KAT5: variants seen among roughly 807,000 people sequenced by gnomAD.
KAT5 encodes the protein lysine acetyltransferase 5, also known as histone acetyltransferase KAT5.
In KAT5, 31 loss-of-function variants were observed where a neutral mutation model predicts 68.1. That is an observed-to-expected ratio of 0.46 (90% CI 0.34 to 0.61). The LOEUF is 0.61. KAT5 is among the 20% of genes least tolerant of loss of function. The pLI is 0.01. For missense variants in KAT5, 451 were observed against 725.5 expected (o/e 0.62, Z 4.35); for synonymous variants, 365 against 292.6 (o/e 1.25, Z -2.52).
Position 65,714,987 on chromosome 11 carries a change from GT to G in KAT5, c.1029+78del, listed in dbSNP as rs1244855828. ...TTCTTGCTCAGGTAAACACTGACCA[GT>G]CAAGCCAGCAGATCAGTCCAGCCCA... On this transcript the variant is annotated intron_variant, in intron 8 of 12. Coordinates refer to ENST00000341318, the MANE Select transcript of KAT5 (RefSeq NM_182710.3). 89 of 1,298,736 alleles carry G rather than the reference GT, an allele frequency of 6.9e-5. 1 individual carries two copies. Among genetic ancestry groups the G allele is most frequent in the Non-Finnish European group, 5.5e-6 (5 of 902,350 alleles). 80.5% of individuals were successfully genotyped at this position (1,298,736 alleles called of 1,614,324 possible).
At chr11:65,717,045 G>A in intron 10 of KAT5, 63 bp downstream of exon 10, 1 of 1,267,798 alleles carries the variant, frequency 7.9e-7, no homozygotes, top group Non-Finnish European at 1.2e-6. Flanking sequence ...CAGGCAGATG[G>A]GCCAGGCTAC....
intron 8 of KAT5, chr11:65,715,150 CAG>C (rs769896995): frequency 5.6e-6 from 3 of 534,416 alleles, no homozygotes; most frequent in Non-Finnish European, 1.0e-5. Flanking sequence ...TGTCATGAAA[CAG>C]AGGGTAGGTT....
chr11:65,713,182 T>G, intron 3 of KAT5, 124 bp downstream of exon 3: 1 of 1,391,130 alleles, frequency 7.2e-7, no homozygotes, highest in Non-Finnish European at 1.0e-6. Flanking sequence ...TTGCAAAGGA[T>G]GGGGGCCAAA....
chr11:65,716,973 A>T lies in KAT5; in HGVS notation c.1255A>T (p.Ile419Phe). The change falls in exon 10 of 13, where the codon ATC becomes TTC. Residue 419 changes from isoleucine (I) to phenylalanine (F), a missense_variant. Coordinates refer to ENST00000341318, the MANE Select transcript of KAT5 (RefSeq NM_182710.3). ...YQRRGYGKLL[I>F]EFSYELSKVE... ...GCGCCGGGGCTACGGCAAGCTGCTGATCGAGTTCAGTGAGTATGTGTGCTG... is the reference window on the plus strand; with the variant it reads ...GCGCCGGGGCTACGGCAAGCTGCTGTTCGAGTTCAGTGAGTATGTGTGCTG... The T allele has an allele frequency of 6.2e-7, 1 of 1,613,682 alleles. No individual in the cohort carries two copies. Among genetic ancestry groups the T allele is most frequent in the Non-Finnish European group, 8.5e-7 (1 of 1,179,536 alleles).
At chr11:65,713,161 C>T in intron 3 of KAT5, 103 bp downstream of exon 3, 1 of 1,467,406 alleles carries the variant, frequency 6.8e-7, no homozygotes. Flanking sequence ...CCCTCTCACC[C>T]TGACTTCATC....
intron 3 of KAT5, 57 bp from the exon 4 acceptor site, chr11:65,713,291 T>TTCCCCG: frequency 6.4e-7 from 1 of 1,566,974 alleles, no homozygotes. Context: ...CCTCTTCCCC[T>TTCCCCG]TCCCCATCCC....
intron 8 of KAT5, chr11:65,716,371 T>C (rs1394680535): frequency 5.2e-6 from 2 of 384,322 alleles, no homozygotes; most frequent in South Asian, 4.3e-5. Context: ...AAGGCAGTGG[T>C]CTCTCCTGGT....
chr11:65,713,927 G>A, intron 6 of KAT5, 79 bp downstream of exon 6: 1 of 1,310,116 alleles, frequency 7.6e-7, no homozygotes, highest in Non-Finnish European at 1.1e-6. Flanking sequence ...TTAGTGATGA[G>A]TTTAAAAATA....
chr11:65,712,305 G>T lies in KAT5; in HGVS notation c.38G>T (p.Arg13Leu). ...GTGAGTCCGGTGCCCGGGGCGGGGCGGAGGGAGCCAGGGGAGGTGGGTAGA... is the reference window on the plus strand; with the variant it reads ...GTGAGTCCGGTGCCCGGGGCGGGGCTGAGGGAGCCAGGGGAGGTGGGTAGA... ...EVVSPVPGAG[R>L]REPGEVGRAR... is the part of the protein sequence containing the mutation. Residue 13 changes from arginine (R) to leucine (L), a missense_variant, in exon 1 of 13, where the codon CGG (arginine) becomes CTG (leucine). Physicochemically the swap from Arg to Leu is moderately radical, Grantham distance 102. This residue lies in a region of KAT5 where 104 missense variants were observed against 107.3 expected (regional missense o/e 0.97). Coordinates refer to ENST00000341318, the MANE Select transcript of KAT5 (RefSeq NM_182710.3). The T allele has an allele frequency of 6.8e-7, 1 of 1,464,904 alleles. No homozygotes were observed. Among genetic ancestry groups the T allele is most frequent in the Non-Finnish European group, 9.0e-7 (1 of 1,111,850 alleles). 90.7% of individuals were successfully genotyped at this position (1,464,904 alleles called of 1,614,324 possible).
chr11:65,717,186 CA>C, intron 10 of KAT5: 1 of 598,164 alleles, frequency 1.7e-6, no homozygotes, highest in South Asian at 2.0e-5. Flanking sequence ...CTCAGCCCCC[CA>C]GTTTGCTCCT....
intron 6 of KAT5, chr11:65,714,107 T>A (rs939178973): frequency 1.9e-6 from 1 of 538,290 alleles, no homozygotes. Context: ...GAGACCAGCC[T>A]GGCCAACATG....
Position 65,713,834 on chromosome 11 carries a change from T to C in KAT5, c.676T>C (p.Leu226=), listed in dbSNP as rs935970611. The part of the protein sequence containing the change: ...QPGRKRKSNC[L]GTDEDSQDSS... The stretch of plus-strand genomic sequence containing the variant: ...AGGACGGAAGCGAAAATCGAATTGT[T>C]TGGGCACTGATGAGGTGGGTCTGGG... Residue 226 remains leucine (L), a synonymous_variant, in exon 6 of 13, where the codon TTG becomes CTG. Transcript: ENST00000341318. 8 of 1,585,210 alleles carry C rather than the reference T, an allele frequency of 5.0e-6. No homozygotes were observed. Among genetic ancestry groups the C allele is most frequent in the Non-Finnish European group, 6.9e-6 (8 of 1,165,408 alleles).
intron 8 of KAT5, 135 bp downstream of exon 8, chr11:65,715,045 C>G: frequency 1.3e-6 from 1 of 746,190 alleles, no homozygotes; most frequent in South Asian, 1.6e-5. Flanking sequence ...CTGGCAGGTG[C>G]TGGTAGCCAG....
rs555699888 is a variant in KAT5, at chr11:65,719,104, C to A, written c.1564C>A (p.Leu522Ile). The change falls in exon 13 of 13, where the codon CTC becomes ATC. Residue 522 changes from leucine to isoleucine, a missense_variant. Physicochemically the swap from Leu to Ile is conservative, Grantham distance 5 (BLOSUM62 2). This residue lies in a region of KAT5 where 210 missense variants were observed against 423.7 expected (regional missense o/e 0.50). Coordinates refer to ENST00000341318, the MANE Select transcript of KAT5 (RefSeq NM_182710.3). Reference sequence around the variant, plus strand: ...CGTGGATGGCCATGAGCGGGCCATGCTCAAGCGGCTCCTGCGGATCGACTC... The same window carrying A: ...CGTGGATGGCCATGAGCGGGCCATGATCAAGCGGCTCCTGCGGATCGACTC... Reference protein sequence around the residue: ...DIVDGHERAMLKRLLRIDSKC... With the variant: ...DIVDGHERAMIKRLLRIDSKC... The A allele has an allele frequency of 8.7e-6, 14 of 1,614,218 alleles. No homozygotes were observed. The East Asian group carries it at 2.7e-4, about 31-fold the overall frequency.
intron 10 of KAT5, chr11:65,717,448 G>T: frequency 4.7e-6 from 1 of 212,296 alleles, no homozygotes; most frequent in African/African-American, 2.3e-5. Context: ...TGTCCAGTGA[G>T]GTCAGTCTCT....
intron 11 of KAT5, 24 bp downstream of exon 11, chr11:65,718,773 G>C (rs1324721839): frequency 6.2e-7 from 1 of 1,614,062 alleles, no homozygotes. Context: ...TGTCTACCTG[G>C]GGGTACATGG....
rs372121597 is a variant in KAT5 at position 65,714,391 on chromosome 11, AG to A, written c.691-101del. 425 of 1,314,144 alleles carry A rather than the reference AG, an allele frequency of 3.2e-4. 3 individuals carry two copies. In the South Asian group the frequency reaches 5.1e-3, roughly 16 times the overall value. The allele number at this position is 1,314,144 out of a possible 1,614,324, so 81.4% of individuals were successfully genotyped here. A position where few individuals can be genotyped will look rare whatever the true frequency, so the allele number is the denominator to read the frequency against. ...TTGGGGATCATGGTACCTCCCCCTT[AG>A]GGTTGCTGTTAGGCTTGAAGGAAAC... On this transcript the variant is annotated intron_variant, in intron 6 of 12. Coordinates refer to ENST00000341318, the MANE Select transcript of KAT5 (RefSeq NM_182710.3).
At chr11:65,718,080 G>A in intron 10 of KAT5, 1 of 154,458 alleles carries the variant, frequency 6.5e-6, no homozygotes, top group Non-Finnish European at 1.4e-5. Flanking sequence ...GCACCTTGGT[G>A]CACCTTTTCT....
At chr11:65,713,954 C>T (rs1857114431) in intron 6 of KAT5, 106 bp downstream of exon 6, 3 of 1,035,756 alleles carry the variant, frequency 2.9e-6, no homozygotes, top group South Asian at 1.5e-5. Context: ...GGGTGGTGGG[C>T]AGAGCTAGTG....
Sources: gnomAD v4.1 joint callset for allele counts on GRCh38, gnomAD v4.1.1 for gene constraint, gnomAD v4.1.1 regional missense constraint, MANE v1.5 for transcripts, NCBI Gene and HGNC (gene_info 2026-07-23, HGNC 2026-07-21) for gene names.